The following CELSR1 variants were observed in gnomAD, a reference collection of about 807,000 sequenced individuals.
CELSR1 encodes the protein cadherin EGF LAG seven-pass G-type receptor 1, also known as adhesion G protein-coupled receptor C1.
CELSR1 carries 110 observed loss-of-function variants against 249.1 expected under a neutral mutation model. That is an observed-to-expected ratio of 0.44 (90% confidence interval 0.38 to 0.52). The LOEUF is 0.52. Ranked by LOEUF, CELSR1 falls within the 20% of genes least tolerant of loss-of-function variation. CELSR1 has a pLI of 0.00. For missense variants in CELSR1, 4,109 were observed against 4,296.4 expected, an observed-to-expected ratio of 0.96 and a Z score of 1.22; for synonymous variants, 2,113 against 1,900.0, an observed-to-expected ratio of 1.11 and a Z score of -2.92.
In CELSR1 at chr22:46,471,760, G is replaced by A. The variant is rs557989856; in HGVS notation, c.3545-7415C>T. Among the ~76,000 whole-genome samples the A allele has an allele frequency of 1.3e-5, 2 of 152,186 alleles. No individual in the cohort carries two copies. Among genetic ancestry groups the A allele is most frequent in the South Asian group, 2.1e-4 (1 of 4,818 alleles). On this transcript the variant is annotated intron_variant, in intron 1 of 34. Coordinates refer to ENST00000674500, the MANE Select transcript of CELSR1 (RefSeq NM_001378328.1). The surrounding 1 kb of genome is among the most constrained non-coding windows in gnomAD (Gnocchi z 4.9). ...TTATTAACTGAAGCCTGTTCTCTCT[G>A]CAGATTTCCCTCATTTCCACCCACT...
chr22:46,415,075 C>G (rs948958686), intron 5 of CELSR1, among the ~76,000 whole-genome samples: 33 of 152,316 alleles, frequency 2.2e-4, no homozygotes, highest in African/African-American at 7.2e-4. Context: ...CAGGCACATC[C>G]ACAGACACAG....
Position 46,472,485 on chromosome 22 carries a change from T to C in CELSR1, c.3545-8140A>G, listed in dbSNP as rs1379148437. ...TGTGGGTGAAGAGCAGCGCAGCTGA[T>C]GCTGGACGGCCCCGGGAGACAGGGG... On this transcript the variant is annotated intron_variant, in intron 1 of 34. Coordinates refer to ENST00000674500, the MANE Select transcript of CELSR1 (RefSeq NM_001378328.1). This position sits in a 1 kb window ranked among gnomAD's most constrained non-coding sequence, Gnocchi z 7.0. Among the ~76,000 whole-genome samples the C allele has an allele frequency of 6.6e-6, 1 of 152,094 alleles. No homozygotes were observed. Among genetic ancestry groups the C allele is most frequent in the Admixed American group, 6.5e-5 (1 of 15,274 alleles).
In CELSR1 at chr22:46,366,396, T is replaced by C; in HGVS notation, c.8290A>G (p.Ser2764Gly). The C allele has an allele frequency of 1.3e-6, 2 of 1,548,888 alleles. No individual in the cohort carries two copies. Among genetic ancestry groups the C allele is most frequent in the African/African-American group, 1.4e-5 (1 of 72,916 alleles). Reference sequence around the variant, plus strand: ...GAGCTGCGGCCTGACCTGACGATGCTGTCCAGCGAGGCGGTGGACTCGCCC... The same window carrying C: ...GAGCTGCGGCCTGACCTGACGATGCCGTCCAGCGAGGCGGTGGACTCGCCC... ...DLGESTASLD[S>G]IVRDEGIQKL... Residue 2764 changes from serine to glycine, a missense_variant, in exon 30 of 35, where the codon AGC (serine) becomes GGC (glycine). Physicochemically the swap from Ser to Gly is moderately conservative, Grantham distance 56 (BLOSUM62 0). This residue lies in a region of CELSR1 where 1,805 missense variants were observed against 1,831.6 expected (regional missense o/e 0.99). Coordinates refer to ENST00000674500, the MANE Select transcript of CELSR1 (RefSeq NM_001378328.1).
chr22:46,429,340 A>AAAAC lies in CELSR1; in HGVS notation c.4611+4049_4611+4052dup, dbSNP rs373758360. Among the ~76,000 whole-genome samples the AAAAC allele has an allele frequency of 0.017, 2,549 of 152,220 alleles. 71 individuals carry two copies. Among genetic ancestry groups the AAAAC allele is most frequent in the African/African-American group, 0.058 (2,411 of 41,492 alleles). On this transcript the variant is annotated intron_variant, in intron 5 of 34. Transcript: ENST00000674500. This position sits in a 1 kb window ranked among gnomAD's most constrained non-coding sequence, Gnocchi z 4.1. ...CACCTTCAAACCAGCCTTGAGGGAA[A>AAAAC]AAACAAACAAACAAACAAACAAAAA...
Position 46,374,587 on chromosome 22 carries a change from G to A in CELSR1, c.7585-1530C>T, listed in dbSNP as rs1214023208. 6.6e-6 allele frequency among the ~76,000 whole-genome samples: 1 copy of A among 152,140 alleles called. No individual in the cohort carries two copies. Among genetic ancestry groups the A allele is most frequent in the African/African-American group, 2.4e-5 (1 of 41,416 alleles). On this transcript the variant is annotated intron_variant, in intron 24 of 34. Coordinates refer to ENST00000674500, the MANE Select transcript of CELSR1 (RefSeq NM_001378328.1). The surrounding 1 kb of genome is among the most constrained non-coding windows in gnomAD (Gnocchi z 4.3). Reference sequence around the variant, plus strand: ...CCATGCTCAGCCGTGCGTGGCTGCCGGGACAGCGCTCACTCCGGCAGGCGA... The same window carrying A: ...CCATGCTCAGCCGTGCGTGGCTGCCAGGACAGCGCTCACTCCGGCAGGCGA...
intron 1 of CELSR1, among the ~76,000 whole-genome samples, chr22:46,522,004 A>G (rs1231088375): frequency 1.3e-5 from 2 of 151,980 alleles, no homozygotes; most frequent in African/African-American, 4.8e-5. Context: ...ATCCTTCAAC[A>G]CGTGTTTTCT....
rs1187435780 is a variant in CELSR1, at chr22:46,480,877, G to A, written c.3545-16532C>T. On this transcript the variant is annotated intron_variant, in intron 1 of 34. Transcript: ENST00000674500. Reference sequence around the variant, plus strand: ...AACATAAAAGAACCAGTGTCCAGAGGCAAGTGACATATGCTTTACACTTAC... The same window carrying A: ...AACATAAAAGAACCAGTGTCCAGAGACAAGTGACATATGCTTTACACTTAC... 2.0e-5 allele frequency among the ~76,000 whole-genome samples: 3 copies of A among 152,288 alleles called. No individual in the cohort carries two copies. The South Asian group carries it at 6.2e-4, about 32-fold the overall frequency.
Position 46,533,775 on chromosome 22 carries a change from G to C in CELSR1, c.3396C>G (p.Pro1132=), listed in dbSNP as rs146486675. The C allele has an allele frequency of 3.1e-6, 5 of 1,613,506 alleles. No homozygotes were observed. The highest frequency in any genetic ancestry group is 8.5e-7 in the Non-Finnish European group (1 of 1,180,030). ...GVIGCIPAHD[P]DVSDSLNYTF... is the part of the protein sequence containing the mutation. ...TGTAGTTGAGGCTGTCTGACACGTCGGGGTCATGGGCCGGGATGCAGCCGA... is the reference window on the plus strand; with the variant it reads ...TGTAGTTGAGGCTGTCTGACACGTCCGGGTCATGGGCCGGGATGCAGCCGA... The change falls in exon 1 of 35, where the codon CCC becomes CCG. Residue 1132 remains proline, a synonymous_variant. Coordinates refer to ENST00000674500, the MANE Select transcript of CELSR1 (RefSeq NM_001378328.1).
At chr22:46,462,744 A>C (rs575960327) in intron 2 of CELSR1, 5 of 264,434 alleles carry the variant, frequency 1.9e-5, no homozygotes, top group African/African-American at 7.0e-5. Context: ...ATCAAAGACC[A>C]AAGCAAGATG....
chr22:46,386,390 C>A lies in CELSR1; in HGVS notation c.6739+12G>T. The A allele has an allele frequency of 6.5e-7, 1 of 1,541,860 alleles. No homozygotes were observed. Reference sequence around the variant, plus strand: ...TAGCAGGGTTCCACCCCCAACGCAGCCAGCGCCTTACTCATGTTGGCGGTG... The same window carrying A: ...TAGCAGGGTTCCACCCCCAACGCAGACAGCGCCTTACTCATGTTGGCGGTG... On this transcript the variant is annotated intron_variant, in intron 19 of 34. Coordinates refer to ENST00000674500, the MANE Select transcript of CELSR1 (RefSeq NM_001378328.1).
At chr22:46,368,606 G>C (rs1399413291) in intron 27 of CELSR1, among the ~76,000 whole-genome samples, 1 of 146,362 alleles carries the variant, frequency 6.8e-6, no homozygotes, top group African/African-American at 2.8e-5. Context: ...GGCTGGCCTT[G>C]TTGTCTGACA....
In CELSR1 at chr22:46,391,269, G is replaced by A; in HGVS notation, c.6167C>T (p.Pro2056Leu). ...CCAGATGCCGGCCTCAAATGCTTTG[G>A]GACAGCCATTGTAGATCACTGGGGT... ...LGCEVIYNGC[P>L]KAFEAGIWWP... is the part of the protein sequence containing the mutation. Residue 2056 changes from proline to leucine, a missense_variant, in exon 16 of 35, where the codon CCC becomes CTC. Pro to Leu is a moderately conservative substitution (Grantham distance 98). Transcript: ENST00000674500. This position sits in a 1 kb window ranked among gnomAD's most constrained non-coding sequence, Gnocchi z 4.3. The A allele has an allele frequency of 6.2e-7, 1 of 1,613,640 alleles. No homozygotes were observed.
rs867922225 is a variant in CELSR1 at position 46,363,691 on chromosome 22, G to A, written c.9035+305C>T. On this transcript the variant is annotated intron_variant, in intron 34 of 34. Coordinates refer to ENST00000674500, the MANE Select transcript of CELSR1 (RefSeq NM_001378328.1). The surrounding 1 kb of genome is among the most constrained non-coding windows in gnomAD (Gnocchi z 4.3). ...AAGGTGGGTGGCAGTGGTCCCAGGC[G>A]GAGACAATGCTGATCAAACGCAGAG... 16 of 438,042 alleles carry A rather than the reference G, an allele frequency of 3.7e-5. No individual in the cohort carries two copies. The highest frequency in any genetic ancestry group is 2.8e-4 in the Admixed American group (7 of 24,844). 27.1% of individuals were successfully genotyped at this position (438,042 alleles called of 1,614,324 possible).
intron 1 of CELSR1, among the ~76,000 whole-genome samples, chr22:46,514,015 G>A (rs760088035): frequency 9.9e-5 from 15 of 151,936 alleles, no homozygotes; most frequent in African/African-American, 2.7e-4. Flanking sequence ...GGATGGTCTC[G>A]ATCTCCTGAC....
At chr22:46,453,494 G>A (rs562887731) in intron 2 of CELSR1, among the ~76,000 whole-genome samples, 63 of 152,270 alleles carry the variant, frequency 4.1e-4, no homozygotes, top group African/African-American at 1.3e-3. Flanking sequence ...GTCTACCCCC[G>A]CTATGTCCAG....
Position 46,363,035 on chromosome 22 carries a change from C to G in CELSR1, c.*188G>C, listed in dbSNP as rs200273382. 3.2e-6 allele frequency: 4 copies of G among 1,256,928 alleles called. 1 individual carries two copies. In the East Asian group the frequency reaches 9.3e-5, roughly 29 times the overall value. The allele number at this position is 1,256,928 out of a possible 1,614,324, so 77.9% of individuals were successfully genotyped here. A position where few individuals can be genotyped will look rare whatever the true frequency, so the allele number is the denominator to read the frequency against. On this transcript the variant is annotated 3_prime_UTR_variant, in exon 35 of 35. Transcript: ENST00000674500. The surrounding 1 kb of genome is among the most constrained non-coding windows in gnomAD (Gnocchi z 4.3). ...CCCTGAGCTCCTGGGAGAACCAAGA[C>G]CTTTGTGTCTGGATGATCAGTCGGG...
chr22:46,505,210 C>T (rs1008365725), intron 1 of CELSR1, among the ~76,000 whole-genome samples: 22 of 122,526 alleles, frequency 1.8e-4, no homozygotes, highest in African/African-American at 4.4e-4. Flanking sequence ...TGCAATGAGC[C>T]GAGATGGCGC....
intron 1 of CELSR1, among the ~76,000 whole-genome samples, chr22:46,475,995 A>G (rs2080204436): frequency 6.6e-6 from 1 of 152,106 alleles, no homozygotes. Context: ...AGCCAGCCCA[A>G]CGCCAGCCTA....
rs1329479308 is a variant in CELSR1 at position 46,448,584 on chromosome 22, T to A, written c.4184-9173A>T. On this transcript the variant is annotated intron_variant, in intron 2 of 34. Transcript: ENST00000674500. The surrounding 1 kb of genome is among the most constrained non-coding windows in gnomAD (Gnocchi z 5.7). ...TAAGAAACAGCTAAGAGCTTTGAAC[T>A]AGAAAAACTAGAATTTCCAAAGGCC... 9.2e-6 allele frequency: 4 copies of A among 433,904 alleles called. No individual in the cohort carries two copies. Among genetic ancestry groups the A allele is most frequent in the Non-Finnish European group, 1.8e-5 (4 of 218,916 alleles). The allele number at this position is 433,904 out of a possible 1,614,324, so 26.9% of individuals were successfully genotyped here. A position where few individuals can be genotyped will look rare whatever the true frequency, so the allele number is the denominator to read the frequency against.
Sources: gnomAD v4.1 joint callset for allele counts (sites outside exome capture counted in the v4.1 genomes callset) on GRCh38, gnomAD v4.1.1 for gene constraint, gnomAD v4.1.1 regional missense constraint, Gnocchi (gnomAD v3.1) non-coding constraint, MANE v1.5 for transcripts, NCBI Gene and HGNC (gene_info 2026-07-23, HGNC 2026-07-21) for gene names.